Variants in FILIP1 observed in about 807,000 individuals in gnomAD.
The protein encoded by FILIP1 is filamin-A-interacting protein 1.
A neutral mutation model predicts 102.1 loss-of-function variants in FILIP1; 61 were observed. The observed-to-expected ratio is 0.60, with a 90% CI of 0.49 to 0.74. FILIP1 has a LOEUF of 0.74. Among genes scored for constraint, FILIP1 ranks in the 30% least tolerant of loss-of-function variants. The pLI is 0.00. For synonymous variants in FILIP1, 491 were observed against 526.9 expected (o/e 0.93, Z 0.93); for missense variants, 1,314 against 1,441.2 (o/e 0.91, Z 1.43).
chr6:75,433,533 T>C (rs1308808896), intron 1 of FILIP1, among the ~76,000 whole-genome samples: 5 of 152,244 alleles, frequency 3.3e-5, no homozygotes, highest in Admixed American at 2.6e-4. Flanking sequence ...TGATTTTTTC[T>C]TGTAAATTTG....
intron 2 of FILIP1, among the ~76,000 whole-genome samples, chr6:75,410,294 A>G (rs1777018315): frequency 6.6e-6 from 1 of 152,182 alleles, no homozygotes; most frequent in Non-Finnish European, 1.5e-5. Flanking sequence ...CTCATAAGGC[A>G]TAGTCCTGCT....
chr6:75,317,043 T>C (rs1225729782), intron 4 of FILIP1, among the ~76,000 whole-genome samples: 2 of 152,232 alleles, frequency 1.3e-5, no homozygotes, highest in African/African-American at 4.8e-5. Context: ...AATATATTTT[T>C]AGGAATACTA....
chr6:75,372,793 A>AGAAAGAAAGAAAGAAG lies in FILIP1; in HGVS notation c.277-9877_277-9876insCTTCTTTCTTTCTTTC, dbSNP rs1554204978. Among the ~76,000 whole-genome samples the AGAAAGAAAGAAAGAAG allele has an allele frequency of 3.9e-4, 16 of 41,480 alleles. 2 individuals are homozygous for AGAAAGAAAGAAAGAAG. Among genetic ancestry groups the AGAAAGAAAGAAAGAAG allele is most frequent in the South Asian group, 2.0e-3 (2 of 1,012 alleles). 27.2% of individuals were successfully genotyped at this position (41,480 alleles called of 152,430 possible). On this transcript the variant is annotated intron_variant, in intron 2 of 5. Transcript: ENST00000237172. The stretch of plus-strand genomic sequence containing the variant: ...AAGAAAGAAAGAAAGAAAGAAAGAA[A>AGAAAGAAAGAAAGAAG]GAAGGAAAGAAAGAAAGAAAAGAGT...
chr6:75,471,100 C>A (rs1779311593), intron 1 of FILIP1, among the ~76,000 whole-genome samples: 2 of 138,462 alleles, frequency 1.4e-5, no homozygotes, highest in South Asian at 2.3e-4. Flanking sequence ...GTGGAGGTTG[C>A]AGTGAACGGA....
intron 2 of FILIP1, among the ~76,000 whole-genome samples, chr6:75,365,817 T>C (rs891158853): frequency 2.0e-5 from 3 of 152,210 alleles, no homozygotes; most frequent in Non-Finnish European, 4.4e-5. Flanking sequence ...AAGAAATACT[T>C]CATCATTCCT....
intron 1 of FILIP1, among the ~76,000 whole-genome samples, chr6:75,430,241 G>A (rs1015226766): frequency 6.6e-6 from 1 of 152,098 alleles, no homozygotes; most frequent in Non-Finnish European, 1.5e-5. Context: ...GGCCTCCCCA[G>A]ACATGCAGAA....
intron 4 of FILIP1, among the ~76,000 whole-genome samples, chr6:75,322,680 A>G (rs2149565880): frequency 6.6e-6 from 1 of 152,278 alleles, no homozygotes; most frequent in African/African-American, 2.4e-5. Context: ...TTAATTTCTT[A>G]TTTCATACTG....
intron 1 of FILIP1, chr6:75,465,200 C>A: frequency 5.1e-6 from 1 of 196,032 alleles, no homozygotes; most frequent in South Asian, 9.1e-5. Context: ...TCAAAGAAGC[C>A]CAGAAAGGAG....
At chr6:75,485,372 G>T (rs960869625) in intron 1 of FILIP1, among the ~76,000 whole-genome samples, 2 of 152,172 alleles carry the variant, frequency 1.3e-5, no homozygotes, top group Admixed American at 1.3e-4. Flanking sequence ...GTTTGGGGAT[G>T]GGGAGTTGGG....
chr6:75,403,536 A>G, intron 2 of FILIP1, among the ~76,000 whole-genome samples: 1 of 151,810 alleles, frequency 6.6e-6, no homozygotes, highest in South Asian at 2.1e-4. Flanking sequence ...AAAAAGAAAA[A>G]GAAAAAGAAA....
chr6:75,310,335 T>C (rs1186120296), intron 5 of FILIP1, among the ~76,000 whole-genome samples: 7 of 152,254 alleles, frequency 4.6e-5, no homozygotes, highest in Non-Finnish European at 1.0e-4. Context: ...AACCTGTCTA[T>C]TCCACTGAGT....
chr6:75,320,570 C>G (rs1439702275), intron 4 of FILIP1, among the ~76,000 whole-genome samples: 1 of 151,996 alleles, frequency 6.6e-6, no homozygotes, highest in Admixed American at 6.5e-5. Context: ...GAACAAGACC[C>G]TATCTCAAAA....
At chr6:75,466,007 A>C (rs1201038133) in intron 1 of FILIP1, among the ~76,000 whole-genome samples, 1 of 152,096 alleles carries the variant, frequency 6.6e-6, no homozygotes, top group Non-Finnish European at 1.5e-5. Context: ...CCCCGGCTTA[A>C]GGCCCACCCA....
chr6:75,366,441 T>C (rs1221042789), intron 2 of FILIP1, among the ~76,000 whole-genome samples: 1 of 152,212 alleles, frequency 6.6e-6, no homozygotes, highest in Non-Finnish European at 1.5e-5. Flanking sequence ...TATCATGATA[T>C]AGTAGAATGT....
At chr6:75,432,386 G>A (rs1405891807) in intron 1 of FILIP1, among the ~76,000 whole-genome samples, 1 of 152,192 alleles carries the variant, frequency 6.6e-6, no homozygotes, top group Non-Finnish European at 1.5e-5. Flanking sequence ...GTAAAGGAAG[G>A]AGTTGTAGAT....
chr6:75,454,761 A>G (rs1778764700), intron 1 of FILIP1, among the ~76,000 whole-genome samples: 1 of 152,226 alleles, frequency 6.6e-6, no homozygotes, highest in Admixed American at 6.5e-5. Flanking sequence ...TTTAATTAGC[A>G]GAAACCAATT....
chr6:75,433,000 C>T (rs1582497658), intron 1 of FILIP1, among the ~76,000 whole-genome samples: 1 of 152,208 alleles, frequency 6.6e-6, no homozygotes, highest in East Asian at 1.9e-4. Flanking sequence ...CTACAAAGGA[C>T]ATGAGCTCAT....
chr6:75,421,861 C>G (rs1235027719), intron 1 of FILIP1, among the ~76,000 whole-genome samples: 3 of 152,098 alleles, frequency 2.0e-5, no homozygotes, highest in African/African-American at 7.2e-5. Context: ...CAGAGTCACA[C>G]GGCTGATCAA....
At chr6:75,446,226 C>T (rs1226315145) in intron 1 of FILIP1, among the ~76,000 whole-genome samples, 2 of 152,066 alleles carry the variant, frequency 1.3e-5, no homozygotes, top group African/African-American at 4.8e-5. Flanking sequence ...TTTGAATCTT[C>T]CTTTTCATAG....
Sources: gnomAD v4.1 joint callset for allele counts (sites outside exome capture counted in the v4.1 genomes callset) on GRCh38, gnomAD v4.1.1 for gene constraint, MANE v1.5 for transcripts, NCBI Gene and HGNC (gene_info 2026-07-23, HGNC 2026-07-21) for gene names.